Variants in TNFRSF8 observed in about 807,000 individuals in gnomAD.
The protein encoded by TNFRSF8 is TNF receptor superfamily member 8.
Under a neutral mutation model 70.8 loss-of-function variants are expected in TNFRSF8, and 26 were observed. The ratio of observed to expected loss-of-function variants is 0.37; its 90% CI spans 0.27 to 0.51. TNFRSF8 has a LOEUF of 0.51. Among genes scored for constraint, TNFRSF8 ranks in the 20% least tolerant of loss-of-function variants. The pLI is 0.94. For missense variants in TNFRSF8, 720 were observed against 807.9 expected, an observed-to-expected ratio of 0.89 and a Z score of 1.32; for synonymous variants, 356 against 339.2, an observed-to-expected ratio of 1.05 and a Z score of -0.54.
intron 12 of TNFRSF8, among the ~76,000 whole-genome samples, chr1:12,130,579 G>A (rs1159144108): frequency 2.0e-5 from 3 of 152,232 alleles, no homozygotes; most frequent in South Asian, 4.1e-4. Flanking sequence ...ACAGCACTGG[G>A]GAATCACAGG....
chr1:12,085,293 A>G (rs1215227187), intron 2 of TNFRSF8, among the ~76,000 whole-genome samples: 1 of 152,040 alleles, frequency 6.6e-6, no homozygotes, highest in African/African-American at 2.4e-5. Flanking sequence ...TATTTTTAGT[A>G]GAGACAGGGT....
intron 2 of TNFRSF8, among the ~76,000 whole-genome samples, chr1:12,094,838 C>T (rs754260741): frequency 9.9e-5 from 15 of 151,916 alleles, no homozygotes; most frequent in Non-Finnish European, 2.1e-4. Context: ...GTTGGCCAGG[C>T]TGGTCTTGAA....
At chr1:12,075,313 T>C (rs1640920873) in intron 1 of TNFRSF8, among the ~76,000 whole-genome samples, 2 of 151,782 alleles carry the variant, frequency 1.3e-5, no homozygotes, top group Admixed American at 6.6e-5. Flanking sequence ...CTTGAACTCC[T>C]GGGCTTAAGC....
At chr1:12,126,769 C>CA (rs1354053874) in intron 12 of TNFRSF8, among the ~76,000 whole-genome samples, 1 of 152,246 alleles carries the variant, frequency 6.6e-6, no homozygotes, top group Non-Finnish European at 1.5e-5. Flanking sequence ...TCCTGTGTCT[C>CA]AGTTTCCTCA....
chr1:12,104,423 G>C lies in TNFRSF8; in HGVS notation c.313G>C (p.Val105Leu). The change falls in exon 4 of 15, where the codon GTC becomes CTC. Residue 105 changes from valine to leucine, a missense_variant. Coordinates refer to ENST00000263932, the MANE Select transcript of TNFRSF8 (RefSeq NM_001243.5). ...KTPCAWNSSRVCECRPGMFCS... is the reference protein window; with the variant it reads ...KTPCAWNSSRLCECRPGMFCS... ...GCCGTGTGCATGGAACTCCTCCCGT[G>C]TCTGCGAATGTCGACCCGGCATGTT... The C allele has an allele frequency of 6.2e-7, 1 of 1,614,134 alleles. No homozygotes were observed. Among genetic ancestry groups the C allele is most frequent in the Non-Finnish European group, 8.5e-7 (1 of 1,180,026 alleles).
intron 7 of TNFRSF8, 123 bp from the exon 8 acceptor site, chr1:12,115,454 G>A (rs1367372295): frequency 3.7e-6 from 4 of 1,071,598 alleles, no homozygotes; most frequent in Non-Finnish European, 1.4e-6. Flanking sequence ...ATAGTCAGAC[G>A]AGCATTTATT....
At position 12,142,992 on chromosome 1, in the gene TNFRSF8, GC is replaced by G. The variant is rs968871029; in HGVS notation, c.*462del. ...AGGTGACACCCATTGGGCCCTTCCG[GC>G]ATGCCCCCAGTTACTGTAAATGTGG... On this transcript the variant is annotated 3_prime_UTR_variant, in exon 15 of 15. Coordinates refer to ENST00000263932, the MANE Select transcript of TNFRSF8 (RefSeq NM_001243.5). The surrounding 1 kb of genome is among the most constrained non-coding windows in gnomAD (Gnocchi z 5.0). The G allele has an allele frequency of 6.3e-6, 1 of 157,482 alleles. No homozygotes were observed. The highest frequency in any genetic ancestry group is 2.4e-5 in the African/African-American group (1 of 41,580). 9.8% of individuals were successfully genotyped at this position (157,482 alleles called of 1,614,324 possible). A position where few individuals can be genotyped will look rare whatever the true frequency, so the allele number is the denominator to read the frequency against.
chr1:12,133,718 G>A (rs1423974471), intron 12 of TNFRSF8, among the ~76,000 whole-genome samples: 3 of 135,482 alleles, frequency 2.2e-5, no homozygotes, highest in South Asian at 2.4e-4. Flanking sequence ...TCACCCTGGC[G>A]ACAGAGTTAG....
In TNFRSF8 at chr1:12,119,324, A is replaced by G. The variant is rs990951497; in HGVS notation, c.946+3595A>G. 6.6e-6 allele frequency among the ~76,000 whole-genome samples: 1 copy of G among 152,134 alleles called. No homozygotes were observed. The highest frequency in any genetic ancestry group is 1.5e-5 in the Non-Finnish European group (1 of 68,030). On this transcript the variant is annotated intron_variant, in intron 8 of 14. Coordinates refer to ENST00000263932, the MANE Select transcript of TNFRSF8 (RefSeq NM_001243.5). This position sits in a 1 kb window ranked among gnomAD's most constrained non-coding sequence, Gnocchi z 4.4. ...ACCAGCCACAGGTCTTTGGCACCCC[A>G]AAGTGCTCCAGGCGTCTCCCCCACA...
At position 12,103,134 on chromosome 1, in the gene TNFRSF8, C is replaced by T. The variant is rs868624259; in HGVS notation, c.269-1245C>T. ...ATCTCAGCACTTTGGGAGGCCGAGG[C>T]GGGTGGATCACCTGAGGTCAGGAGT... On this transcript the variant is annotated intron_variant, in intron 3 of 14. Transcript: ENST00000263932. 5.9e-5 allele frequency among the ~76,000 whole-genome samples: 9 copies of T among 151,874 alleles called. No homozygotes were observed. In the East Asian group the frequency reaches 1.4e-3, roughly 23 times the overall value.
intron 8 of TNFRSF8, 91 bp from the exon 9 acceptor site, chr1:12,123,193 G>A (rs571613963): frequency 6.8e-5 from 77 of 1,130,060 alleles, no homozygotes; most frequent in Middle Eastern, 4.0e-4. Context: ...GTGTTGCCTC[G>A]CTGGAAGCCA....
intron 8 of TNFRSF8, among the ~76,000 whole-genome samples, chr1:12,117,258 T>C (rs1368764729): frequency 6.6e-6 from 1 of 152,090 alleles, no homozygotes; most frequent in Non-Finnish European, 1.5e-5. Context: ...AATTTTCATA[T>C]TTTTAGTAGA....
Position 12,097,101 on chromosome 1 carries a change from G to T in TNFRSF8, c.152G>T (p.Gly51Val). ...VRRCCYRCPM[G>V]LFPTQQCPQR... ...GGAGCTTCTCTGTTTCTTTTCCCAG[G>T]GCTGTTCCCGACACAGCAGTGCCCA... Residue 51 changes from glycine (G) to valine (V), a missense_variant and splice_region_variant, in exon 3 of 15, where the codon GGG (glycine) becomes GTG (valine). Transcript: ENST00000263932. 1 of 1,613,090 alleles carries T rather than the reference G, an allele frequency of 6.2e-7. No individual in the cohort carries two copies. Among genetic ancestry groups the T allele is most frequent in the Non-Finnish European group, 8.5e-7 (1 of 1,179,290 alleles).
At chr1:12,081,638 G>T (rs2100963405) in intron 1 of TNFRSF8, among the ~76,000 whole-genome samples, 1 of 150,188 alleles carries the variant, frequency 6.7e-6, no homozygotes, top group South Asian at 2.1e-4. Context: ...AATTAATATG[G>T]TGACATGTTT....
rs547081221 is a variant in TNFRSF8 at position 12,088,852 on chromosome 1, G to A, written c.151+4301G>A. The stretch of plus-strand genomic sequence containing the variant: ...CTTTGTGCATGGGCACGCCCATTTG[G>A]CATGACAGCTGCTGCCCCTGCCGCC... On this transcript the variant is annotated intron_variant, in intron 2 of 14. Transcript: ENST00000263932. The surrounding 1 kb of genome is among the most constrained non-coding windows in gnomAD (Gnocchi z 4.0). Among the ~76,000 whole-genome samples the A allele has an allele frequency of 1.3e-5, 2 of 152,342 alleles. No homozygotes were observed. Among genetic ancestry groups the A allele is most frequent in the East Asian group, 1.9e-4 (1 of 5,178 alleles).
At chr1:12,137,084 G>C (rs1022250603) in intron 13 of TNFRSF8, among the ~76,000 whole-genome samples, 2 of 151,908 alleles carry the variant, frequency 1.3e-5, no homozygotes, top group Non-Finnish European at 2.9e-5. Flanking sequence ...ATTAGGGAGT[G>C]GTGATGACTC....
intron 1 of TNFRSF8, among the ~76,000 whole-genome samples, chr1:12,069,247 C>T (rs1213843272): frequency 1.4e-5 from 2 of 138,676 alleles, no homozygotes; most frequent in East Asian, 2.2e-4. Context: ...GGCGCTGTCT[C>T]AGCTCACTGC....
chr1:12,123,841 C>A lies in TNFRSF8; in HGVS notation c.1153+14C>A. 1 of 1,548,298 alleles carries A rather than the reference C, an allele frequency of 6.5e-7. No individual in the cohort carries two copies. Among genetic ancestry groups the A allele is most frequent in the South Asian group, 1.2e-5 (1 of 84,120 alleles). On this transcript the variant is annotated intron_variant, in intron 10 of 14. Transcript: ENST00000263932. ...TTCTGGATGCAGGTAATGGTCCCAG[C>A]CCACTCACCCCTACTCCCAGCAGGG...
At chr1:12,079,063 A>G (rs1236406184) in intron 1 of TNFRSF8, among the ~76,000 whole-genome samples, 1 of 152,146 alleles carries the variant, frequency 6.6e-6, no homozygotes, top group Admixed American at 6.5e-5. Flanking sequence ...GGCCCTGCTC[A>G]GCTCTGGCCC....
Sources: gnomAD v4.1 joint callset for allele counts (sites outside exome capture counted in the v4.1 genomes callset) on GRCh38, gnomAD v4.1.1 for gene constraint, Gnocchi (gnomAD v3.1) non-coding constraint, MANE v1.5 for transcripts, NCBI Gene and HGNC (gene_info 2026-07-23, HGNC 2026-07-21) for gene names.